RBFOX3: variants seen among roughly 807,000 people sequenced by gnomAD.
The protein encoded by RBFOX3 is RNA binding fox-1 homolog 3.
Under a neutral mutation model 48.7 loss-of-function variants are expected in RBFOX3, and 17 were observed. The ratio of observed to expected loss-of-function variants is 0.35; its 90% CI spans 0.24 to 0.52. RBFOX3 has a LOEUF of 0.52. Ranked by LOEUF, RBFOX3 falls within the 20% of genes least tolerant of loss-of-function variation. The pLI is 0.94. For synonymous variants in RBFOX3, 212 were observed against 209.5 expected, an observed-to-expected ratio of 1.01 and a Z score of -0.10; for missense variants, 382 against 497.5, an observed-to-expected ratio of 0.77 and a Z score of 2.21.
At chr17:79,218,794 C>T (rs980638977) in intron 4 of RBFOX3, among the ~76,000 whole-genome samples, 1 of 152,192 alleles carries the variant, frequency 6.6e-6, no homozygotes, top group African/African-American at 2.4e-5. Flanking sequence ...TCAGGGCATT[C>T]TTGGTAGAAC....
intron 1 of RBFOX3, among the ~76,000 whole-genome samples, chr17:79,549,366 G>A (rs781871664): frequency 6.6e-6 from 1 of 152,238 alleles, no homozygotes; most frequent in East Asian, 1.9e-4. Context: ...CCCCAGGAAT[G>A]AGCAGATGGC....
At chr17:79,647,060 CGTGTGTGTGTGTGT>C in the RBFOX3 span, among the ~76,000 whole-genome samples, 1 of 149,562 alleles carries the variant, frequency 6.7e-6, no homozygotes, top group East Asian at 2.0e-4. Flanking sequence ...TTTTCACTGC[CGTGTGTGTGTGTGT>C]GTGTGTGTGT....
At chr17:79,462,602 C>T (rs1040119814) in intron 2 of RBFOX3, among the ~76,000 whole-genome samples, 2 of 152,162 alleles carry the variant, frequency 1.3e-5, no homozygotes, top group Non-Finnish European at 2.9e-5. Flanking sequence ...ATTGCTACTG[C>T]CTCCAGTAGA....
At chr17:79,286,791 A>G (rs558363005) in intron 3 of RBFOX3, among the ~76,000 whole-genome samples, 4 of 152,288 alleles carry the variant, frequency 2.6e-5, no homozygotes, top group African/African-American at 9.6e-5. Context: ...GGTCCCACCC[A>G]TAGACCTGCT....
rs1360744580 is a variant in RBFOX3, at chr17:79,522,767, T to C, written c.-319-40169A>G. On this transcript the variant is annotated intron_variant, in intron 1 of 14. Coordinates refer to ENST00000693108, the MANE Select transcript of RBFOX3 (RefSeq NM_001350451.2). Reference sequence around the variant, plus strand: ...CAACATGGTAAAACCCTGTATCTACTAAAAATACAAAAATTAGCCAGGCAT... The same window carrying C: ...CAACATGGTAAAACCCTGTATCTACCAAAAATACAAAAATTAGCCAGGCAT... Among the ~76,000 whole-genome samples the C allele has an allele frequency of 4.0e-5, 6 of 151,716 alleles. 1 individual carries two copies. The highest frequency in any genetic ancestry group is 9.7e-5 in the African/African-American group (4 of 41,326).
chr17:79,498,888 CCA>C (rs2081992087), intron 1 of RBFOX3, among the ~76,000 whole-genome samples: 1 of 149,616 alleles, frequency 6.7e-6, no homozygotes, highest in African/African-American at 2.5e-5. Context: ...ATCCATCCAT[CCA>C]TCCATCCATC....
chr17:79,119,993 C>G (rs1420682175), intron 4 of RBFOX3, among the ~76,000 whole-genome samples: 2 of 152,254 alleles, frequency 1.3e-5, no homozygotes, highest in African/African-American at 4.8e-5. Flanking sequence ...GCCCAGCACA[C>G]AGAAGGCTGT....
upstream of RBFOX3, among the ~76,000 whole-genome samples, chr17:79,615,640 G>A (rs893926486): frequency 1.7e-3 from 254 of 152,336 alleles, no homozygotes; most frequent in African/African-American, 5.7e-3. Flanking sequence ...TTGCAGTGGA[G>A]TGCCTGTTTT....
chr17:79,211,171 G>A (rs1472873272), intron 4 of RBFOX3, among the ~76,000 whole-genome samples: 2 of 152,206 alleles, frequency 1.3e-5, no homozygotes, highest in Admixed American at 6.5e-5. Flanking sequence ...CGGAGCAGAC[G>A]GTGGGAACAC....
chr17:79,153,315 C>G (rs1179590333), intron 4 of RBFOX3, among the ~76,000 whole-genome samples: 2 of 152,226 alleles, frequency 1.3e-5, no homozygotes, highest in Non-Finnish European at 2.9e-5. Context: ...GGGAGGTAAA[C>G]AGCACAGGCC....
intron 3 of RBFOX3, among the ~76,000 whole-genome samples, chr17:79,263,170 C>G (rs527866900): frequency 2.0e-5 from 3 of 152,186 alleles, no homozygotes; most frequent in East Asian, 1.9e-4. Flanking sequence ...GGTACCCCCC[C>G]GGCTGTGCTG....
chr17:79,359,781 G>A (rs569499288), intron 2 of RBFOX3, among the ~76,000 whole-genome samples: 8 of 151,974 alleles, frequency 5.3e-5, no homozygotes, highest in Non-Finnish European at 8.8e-5. Flanking sequence ...AGGGTGGAGT[G>A]CAGTGGTGAT....
intron 1 of RBFOX3, among the ~76,000 whole-genome samples, chr17:79,537,262 C>T (rs2088962192): frequency 6.6e-6 from 1 of 152,180 alleles, no homozygotes; most frequent in South Asian, 2.1e-4. Context: ...GCCGGCGGTG[C>T]TCAGTGCACT....
At chr17:79,303,442 G>C (rs994752803) in intron 3 of RBFOX3, among the ~76,000 whole-genome samples, 1 of 152,082 alleles carries the variant, frequency 6.6e-6, no homozygotes, top group Admixed American at 6.5e-5. Context: ...TCACCACCTT[G>C]TGCCCCCTCA....
In RBFOX3 at chr17:79,172,173, C is replaced by CAAAA. The variant is rs977301314; in HGVS notation, c.-33-56429_-33-56426dup. Among the ~76,000 whole-genome samples the CAAAA allele has an allele frequency of 3.4e-4, 18 of 52,456 alleles. 1 individual carries two copies. The highest frequency in any genetic ancestry group is 6.7e-4 in the Admixed American group (3 of 4,478). 34.4% of individuals were successfully genotyped at this position (52,456 alleles called of 152,430 possible). ...TGGGCGACAGAGTGAGAGTCCGTCT[C>CAAAA]AAAAAAAAAAAAAAAAAAAAAGAGA... On this transcript the variant is annotated intron_variant, in intron 4 of 14. Transcript: ENST00000693108.
rs2064464863 is a variant in RBFOX3 at position 79,254,513 on chromosome 17, G to GT, written c.-73-18709dup. On this transcript the variant is annotated intron_variant, in intron 3 of 14. Transcript: ENST00000693108. The surrounding 1 kb of genome is among the most constrained non-coding windows in gnomAD (Gnocchi z 4.8). ...GGGAAGCCCTTGAGTTGCTAAGCCT[G>GT]TAGGTGACCCTGACTGAGGGTTCTG... Among the ~76,000 whole-genome samples, 1 of 152,186 alleles carries GT rather than the reference G, an allele frequency of 6.6e-6. No individual in the cohort carries two copies. The highest frequency in any genetic ancestry group is 1.5e-5 in the Non-Finnish European group (1 of 68,036).
Position 79,242,750 on chromosome 17 carries a change from C to T in RBFOX3, c.-73-6945G>A, listed in dbSNP as rs912050096. ...CCCATACTTAGGTCTGTGGGAAGGG[C>T]CACCCCCTTACTGGGCCTCCACAGG... On this transcript the variant is annotated intron_variant, in intron 3 of 14. Transcript: ENST00000693108. The surrounding 1 kb of genome is among the most constrained non-coding windows in gnomAD (Gnocchi z 5.8). Among the ~76,000 whole-genome samples the T allele has an allele frequency of 3.9e-5, 6 of 152,154 alleles. No homozygotes were observed. Among genetic ancestry groups the T allele is most frequent in the Non-Finnish European group, 8.8e-5 (6 of 68,020 alleles).
At chr17:79,348,881 C>T (rs2083374912) in intron 2 of RBFOX3, among the ~76,000 whole-genome samples, 1 of 151,854 alleles carries the variant, frequency 6.6e-6, no homozygotes, top group African/African-American at 2.4e-5. Context: ...CGGCCTAAAC[C>T]CACTTTTTCA....
chr17:79,326,100 T>C (rs529751757), intron 2 of RBFOX3, among the ~76,000 whole-genome samples: 7 of 152,166 alleles, frequency 4.6e-5, no homozygotes, highest in Non-Finnish European at 8.8e-5. Context: ...GGGAAATCAA[T>C]TACATACTTC....
Sources: allele counts gnomAD v4.1 joint callset (sites outside exome capture counted in the v4.1 genomes callset), GRCh38; gene constraint gnomAD v4.1.1; non-coding constraint Gnocchi (gnomAD v3.1); transcripts MANE v1.5; gene names NCBI Gene and HGNC (gene_info 2026-07-23, HGNC 2026-07-21).